The following TMPRSS9 variants were observed in gnomAD, a reference collection of about 807,000 sequenced individuals.
TMPRSS9 encodes the protein transmembrane protease serine 9.
TMPRSS9 carries 113 observed loss-of-function variants against 111.4 expected under a neutral mutation model. That is an observed-to-expected ratio of 1.01 (90% CI 0.87 to 1.19). The LOEUF (loss-of-function observed/expected upper bound fraction) is 1.19. TMPRSS9 is among the 50% of genes most tolerant of loss of function. TMPRSS9 has a pLI of 0.00. For missense variants in TMPRSS9, 1,803 were observed against 1,513.1 expected (o/e 1.19, Z -3.18); for synonymous variants, 805 against 659.1 (o/e 1.22, Z -3.39).
chr19:2,387,129 G>T (rs1234295729), upstream of TMPRSS9, among the ~76,000 whole-genome samples: 1 of 152,176 alleles, frequency 6.6e-6, no homozygotes, highest in Non-Finnish European at 1.5e-5. Context: ...GGCCAAGGCG[G>T]GTGGATCACC....
chr19:2,418,324 TCC>T lies in TMPRSS9; in HGVS notation c.2154+188_2154+189del, dbSNP rs1312607064. Among the ~76,000 whole-genome samples the T allele has an allele frequency of 1.5e-3, 39 of 25,376 alleles. 6 individuals carry two copies. The highest frequency in any genetic ancestry group is 0.013 in the African/African-American group (31 of 2,402). The allele number at this position is 25,376 out of a possible 152,430, so 16.6% of individuals were successfully genotyped here. On this transcript the variant is annotated intron_variant, in intron 13 of 17. Transcript: ENST00000648592. Reference sequence around the variant, plus strand: ...CCCTCCCTTTCCCTCCCTCCCTCCCTCCCTCCCTTTCCTTCCCTCCCTTTCCC... The same window carrying T: ...CCCTCCCTTTCCCTCCCTCCCTCCCTCTCCCTTTCCTTCCCTCCCTTTCCC...
intron 6 of TMPRSS9, among the ~76,000 whole-genome samples, chr19:2,404,846 C>T (rs1443126213): frequency 2.0e-5 from 3 of 151,096 alleles, no homozygotes; most frequent in Non-Finnish European, 4.4e-5. Flanking sequence ...GTAGGAGAAT[C>T]CCTTGAACCC....
At chr19:2,414,967 C>T (rs1450140715) in intron 10 of TMPRSS9, among the ~76,000 whole-genome samples, 19 of 132,412 alleles carry the variant, frequency 1.4e-4, no homozygotes, top group South Asian at 4.8e-4. Context: ...TTTTCTGAGA[C>T]GGAGTTTCAC....
chr19:2,378,437 A>G (rs1451817765), intron 1 of TMPRSS9, among the ~76,000 whole-genome samples: 1 of 152,120 alleles, frequency 6.6e-6, no homozygotes, highest in Non-Finnish European at 1.5e-5. Flanking sequence ...AGCATACCCA[A>G]GGCTGGGTGC....
chr19:2,418,319 C>CTCCTTCCCTCCTTTTCCT (rs1971318049), intron 13 of TMPRSS9, among the ~76,000 whole-genome samples, 181 bp downstream of exon 14: 1 of 39,620 alleles, frequency 2.5e-5, no homozygotes, highest in Non-Finnish European at 4.6e-5. Flanking sequence ...CCCTCCCTCC[C>CTCCTTCCCTCCTTTTCCT]TCCCTCCCTC....
At chr19:2,391,605 T>TGA (rs1487465257) in intron 1 of TMPRSS9, among the ~76,000 whole-genome samples, 4 of 151,290 alleles carry the variant, frequency 2.6e-5, no homozygotes, top group Non-Finnish European at 1.5e-5. Flanking sequence ...TGCATGCGTG[T>TGA]GTGTGTGTGT....
chr19:2,386,928 C>T (rs114353035), upstream of TMPRSS9, among the ~76,000 whole-genome samples: 1 of 151,940 alleles, frequency 6.6e-6, no homozygotes, highest in South Asian at 2.1e-4. Context: ...AGAGGCGGAG[C>T]TTGTAGTGAG....
In TMPRSS9 at chr19:2,410,331, CCATT is replaced by C. The variant is rs761124986; in HGVS notation, c.1194_1197del (p.Asp402GlyfsTer38). The C allele has an allele frequency of 8.1e-6, 13 of 1,614,102 alleles. No individual in the cohort carries two copies. The highest frequency in any genetic ancestry group is 1.1e-5 in the Non-Finnish European group (13 of 1,180,016). ...AGGCACTGTGTGCCAGCTTGTACGGCCATTCACTCACTGACAGGATGGTGTGCGC... is the reference window on the plus strand; with the variant it reads ...AGGCACTGTGTGCCAGCTTGTACGGCCACTCACTGACAGGATGGTGTGCGC... On this transcript the variant is annotated frameshift_variant, in exon 9 of 18. Transcript: ENST00000648592. LOFTEE classifies it high-confidence loss of function.
chr19:2,376,933 G>A (rs1159133375), intron 1 of TMPRSS9, among the ~76,000 whole-genome samples: 1 of 152,070 alleles, frequency 6.6e-6, no homozygotes, highest in Non-Finnish European at 1.5e-5. Context: ...TCCAAGGAAG[G>A]CCAGGCAGGG....
At position 2,425,265 on chromosome 19, in the gene TMPRSS9, G is replaced by A; in HGVS notation, c.2981G>A (p.Gly994Glu). 1.5e-6 allele frequency: 2 copies of A among 1,311,876 alleles called. No individual in the cohort carries two copies. Among genetic ancestry groups the A allele is most frequent in the Non-Finnish European group, 1.9e-6 (2 of 1,031,422 alleles). 81.3% of individuals were successfully genotyped at this position (1,311,876 alleles called of 1,614,324 possible). A position where few individuals can be genotyped will look rare whatever the true frequency, so the allele number is the denominator to read the frequency against. Residue 994 changes from glycine (G) to glutamate (E), a missense_variant and splice_region_variant, in exon 16 of 18, where the codon GGA (glycine) becomes GAA (glutamate). By Grantham distance (98) the Gly-to-Glu change is moderately conservative. Transcript: ENST00000648592. ...ACCGGCTGGGGCTCGGTGCGCGAAG[G>A]AGGTAGGCGCGCCCGGGGCCGCGGT...
At chr19:2,422,755 A>T (rs185461550) in intron 14 of TMPRSS9, among the ~76,000 whole-genome samples, 62 of 152,244 alleles carry the variant, frequency 4.1e-4, no homozygotes, top group Admixed American at 2.5e-3. Flanking sequence ...AGGCATGGTG[A>T]CAGGTGCCTG....
intron 1 of TMPRSS9, among the ~76,000 whole-genome samples, chr19:2,390,323 A>G (rs574250118): frequency 2.2e-5 from 3 of 135,196 alleles, no homozygotes; most frequent in Admixed American, 1.6e-4. Flanking sequence ...GCTCACTGCA[A>G]GCTCCACCTC....
intron 14 of TMPRSS9, among the ~76,000 whole-genome samples, chr19:2,423,480 G>T (rs1265045476): frequency 7.6e-6 from 1 of 132,446 alleles, no homozygotes; most frequent in Non-Finnish European, 1.6e-5. Context: ...GGGGCGGGGG[G>T]GACCCAGGGA....
chr19:2,361,836 G>A (rs923533231), intron 1 of TMPRSS9, among the ~76,000 whole-genome samples: 10 of 151,974 alleles, frequency 6.6e-5, no homozygotes, highest in African/African-American at 2.4e-4. Flanking sequence ...CTGCATGGCC[G>A]GAAACACCTT....
At position 2,422,262 on chromosome 19, in the gene TMPRSS9, G is replaced by A. The variant is rs375738615; in HGVS notation, c.2548+15G>A. On this transcript the variant is annotated intron_variant, in intron 14 of 17. Transcript: ENST00000648592. ...CCAGCTACCAGGTACCGGGAGAGAC[G>A]GAGGGATCCCTGGGAGTGGAGGGTC... The A allele has an allele frequency of 6.2e-5, 93 of 1,496,462 alleles. No homozygotes were observed. In the Admixed American group the frequency reaches 8.2e-4, roughly 13 times the overall value. The allele number at this position is 1,496,462 out of a possible 1,614,324, so 92.7% of individuals were successfully genotyped here.
chr19:2,411,439 C>A (rs576863787), intron 9 of TMPRSS9, among the ~76,000 whole-genome samples: 1 of 144,050 alleles, frequency 6.9e-6, no homozygotes, highest in African/African-American at 2.6e-5. Context: ...ACTCTGTCAC[C>A]CAGGCTGGAG....
At chr19:2,393,674 TAGATCATG>T (rs1357876764) in intron 1 of TMPRSS9, among the ~76,000 whole-genome samples, 2 of 151,462 alleles carry the variant, frequency 1.3e-5, no homozygotes, top group African/African-American at 4.9e-5. Flanking sequence ...CTGAGGCAGG[TAGATCATG>T]AGGTCAGGAG....
intron 12 of TMPRSS9, among the ~76,000 whole-genome samples, chr19:2,417,068 AT>A (rs1249469915): frequency 2.0e-5 from 3 of 152,162 alleles, no homozygotes; most frequent in Non-Finnish European, 4.4e-5. Context: ...ACATCAACAG[AT>A]TGTCTATGGC....
chr19:2,411,404 T>TC (rs1162853309), intron 9 of TMPRSS9, among the ~76,000 whole-genome samples: 1 of 146,856 alleles, frequency 6.8e-6, no homozygotes, highest in African/African-American at 2.5e-5. Flanking sequence ...CTTCTTCTTT[T>TC]TTTTTTTTTT....
Sources: allele counts gnomAD v4.1 joint callset (sites outside exome capture counted in the v4.1 genomes callset), GRCh38; gene constraint gnomAD v4.1.1; transcripts MANE v1.5; gene names NCBI Gene and HGNC (gene_info 2026-07-23, HGNC 2026-07-21).